The following FILIP1 variants were observed in gnomAD, a reference collection of about 807,000 sequenced individuals.
The protein encoded by FILIP1 is filamin A interacting protein 1.
A neutral mutation model predicts 102.1 loss-of-function variants in FILIP1; 61 were observed. The ratio of observed to expected loss-of-function variants is 0.60; its 90% CI spans 0.49 to 0.74. The LOEUF (loss-of-function observed/expected upper bound fraction) is 0.74. Ranked by LOEUF, FILIP1 falls within the 30% of genes least tolerant of loss-of-function variation. FILIP1 has a pLI of 0.00. For synonymous variants in FILIP1, 491 were observed against 526.9 expected (o/e 0.93, Z 0.93); for missense variants, 1,314 against 1,441.2 (o/e 0.91, Z 1.43).
At position 75,315,086 on chromosome 6, in the gene FILIP1, A is replaced by G. The variant is rs1235647929; in HGVS notation, c.746T>C (p.Met249Thr). 6.2e-7 allele frequency: 1 copy of G among 1,614,008 alleles called. No individual in the cohort carries two copies. Among genetic ancestry groups the G allele is most frequent in the East Asian group, 2.2e-5 (1 of 44,900 alleles). The change falls in exon 5 of 6, where the codon ATG becomes ACG. Residue 249 changes from methionine to threonine, a missense_variant. Met to Thr is a moderately conservative substitution (Grantham distance 81). Coordinates refer to ENST00000237172, the MANE Select transcript of FILIP1 (RefSeq NM_015687.5). ...ELVKLKSFAL[M>T]LVDERQMHIE... is the part of the protein sequence containing the mutation. ...GTGCATTTGTCTTTCATCCACCAGC[A>G]TGAGTGCAAAGGATTTGAGTTTAAC... is the stretch of plus-strand genomic sequence containing the variant.
At chr6:75,417,923 C>T (rs1376650484) in intron 1 of FILIP1, among the ~76,000 whole-genome samples, 2 of 152,146 alleles carry the variant, frequency 1.3e-5, no homozygotes, top group Non-Finnish European at 2.9e-5. Context: ...AGAGGCCAGG[C>T]GCGGTGGCTC....
rs115147074 is a variant in FILIP1, at chr6:75,423,508, C to T, written c.-6-8530G>A. Among the ~76,000 whole-genome samples, 1,457 of 152,262 alleles carry T rather than the reference C, an allele frequency of 9.6e-3. 25 individuals are homozygous for T. The highest frequency in any genetic ancestry group is 0.033 in the African/African-American group (1,391 of 41,550). On this transcript the variant is annotated intron_variant, in intron 1 of 5. Coordinates refer to ENST00000237172, the MANE Select transcript of FILIP1 (RefSeq NM_015687.5). ...GTCACGGTCACTGTTTGGTGGTTTG[C>T]TGCCTGGCTGAGCTACTACAGCTTT...
chr6:75,486,365 G>T (rs892244706), intron 1 of FILIP1, among the ~76,000 whole-genome samples: 1 of 152,126 alleles, frequency 6.6e-6, no homozygotes, highest in Non-Finnish European at 1.5e-5. Flanking sequence ...CTCATCCAGG[G>T]TGGCCCAACT....
rs1472673366 is a variant in FILIP1 at position 75,372,739 on chromosome 6, A to G, written c.277-9822T>C. Among the ~76,000 whole-genome samples, 6 of 54,008 alleles carry G rather than the reference A, an allele frequency of 1.1e-4. 1 individual carries two copies. The highest frequency in any genetic ancestry group is 5.4e-4 in the African/African-American group (6 of 11,072). 35.4% of individuals were successfully genotyped at this position (54,008 alleles called of 152,430 possible). A position where few individuals can be genotyped will look rare whatever the true frequency, so the allele number is the denominator to read the frequency against. On this transcript the variant is annotated intron_variant, in intron 2 of 5. Transcript: ENST00000237172. Reference sequence around the variant, plus strand: ...GAAAGAAAGAGAAAGAGAAAGAAAGAAAGAAAGAAAGAAAGAAAGAAAGAA... The same window carrying G: ...GAAAGAAAGAGAAAGAGAAAGAAAGGAAGAAAGAAAGAAAGAAAGAAAGAA...
At chr6:75,468,969 A>G (rs1467819132) in intron 1 of FILIP1, among the ~76,000 whole-genome samples, 1 of 152,058 alleles carries the variant, frequency 6.6e-6, no homozygotes, top group Non-Finnish European at 1.5e-5. Context: ...ATGAAAATGA[A>G]ACATGAAGGA....
intron 4 of FILIP1, among the ~76,000 whole-genome samples, chr6:75,342,573 C>A (rs1018969525): frequency 1.3e-5 from 2 of 152,236 alleles, no homozygotes; most frequent in African/African-American, 4.8e-5. Context: ...AAGTCAGGAT[C>A]TCCTGAGTTC....
chr6:75,293,421 G>GT (rs1322600959), exon 7 of FILIP1: 2 of 152,050 alleles, frequency 1.3e-5, no homozygotes, highest in Admixed American at 6.6e-5. Context: ...TTTTCTGGGG[G>GT]TTTTTTGGTT....
At chr6:75,456,070 C>T (rs568474982) in intron 1 of FILIP1, among the ~76,000 whole-genome samples, 1 of 152,142 alleles carries the variant, frequency 6.6e-6, no homozygotes, top group African/African-American at 2.4e-5. Context: ...CCTCCTAGGC[C>T]CTACTCAAGT....
exon 7 of FILIP1, chr6:75,292,862 A>C (rs1210595058): frequency 6.6e-6 from 1 of 152,134 alleles, no homozygotes; most frequent in Non-Finnish European, 1.5e-5. Flanking sequence ...TGCCTGATAC[A>C]CCACTTATTC....
chr6:75,359,883 A>G, intron 3 of FILIP1, among the ~76,000 whole-genome samples: 1 of 152,212 alleles, frequency 6.6e-6, no homozygotes, highest in East Asian at 1.9e-4. Flanking sequence ...AGGGCCTGAA[A>G]AAAGAAAAAG....
At chr6:75,413,775 C>A (rs1455974520) in intron 2 of FILIP1, among the ~76,000 whole-genome samples, 1 of 145,610 alleles carries the variant, frequency 6.9e-6, no homozygotes, top group African/African-American at 2.5e-5. Context: ...TTTAAGTCAT[C>A]TTCTCCAGGA....
intron 2 of FILIP1, among the ~76,000 whole-genome samples, chr6:75,383,210 G>A (rs980210378): frequency 2.0e-5 from 3 of 152,140 alleles, no homozygotes; most frequent in African/African-American, 7.2e-5. Flanking sequence ...TCTTCACTAG[G>A]TGAGTAACAA....
chr6:75,334,228 C>A (rs994977766), intron 4 of FILIP1, among the ~76,000 whole-genome samples: 1 of 152,096 alleles, frequency 6.6e-6, no homozygotes, highest in Non-Finnish European at 1.5e-5. Context: ...GGTAGTAAGA[C>A]AAGAGATTTT....
intron 2 of FILIP1, among the ~76,000 whole-genome samples, chr6:75,408,787 ATTTTC>A (rs1255458733): frequency 2.6e-5 from 4 of 152,028 alleles, no homozygotes; most frequent in African/African-American, 9.7e-5. Flanking sequence ...ACTATAAGCT[ATTTTC>A]TTTGTATGTC....
chr6:75,420,381 T>G (rs576990406), intron 1 of FILIP1, among the ~76,000 whole-genome samples: 23 of 152,174 alleles, frequency 1.5e-4, no homozygotes, highest in African/African-American at 5.5e-4. Flanking sequence ...TCTAAAAGAA[T>G]GTACAATTTG....
Position 75,314,729 on chromosome 6 carries a change from T to C in FILIP1, c.1103A>G (p.Lys368Arg), listed in dbSNP as rs141211664. ...ELQELRDKIA[K>R]GECGNSSLMA... ...GAGGCTAGAGTTTCCACATTCTCCT[T>C]TGGCAATTTTATCTCTTAATTCTTG... Residue 368 changes from lysine (K) to arginine (R), a missense_variant, in exon 5 of 6, where the codon AAA (lysine) becomes AGA (arginine). Lys to Arg is a conservative substitution (Grantham distance 26, BLOSUM62 2). Transcript: ENST00000237172. 208 of 1,614,090 alleles carry C rather than the reference T, an allele frequency of 1.3e-4. No homozygotes were observed. Among genetic ancestry groups the C allele is most frequent in the Non-Finnish European group, 1.7e-4 (200 of 1,180,044 alleles).
chr6:75,359,855 C>A (rs1440080709), intron 3 of FILIP1, among the ~76,000 whole-genome samples: 2 of 152,136 alleles, frequency 1.3e-5, no homozygotes, highest in Non-Finnish European at 2.9e-5. Flanking sequence ...AAGCGATGGG[C>A]TTCCTAGGCC....
intron 4 of FILIP1, among the ~76,000 whole-genome samples, chr6:75,335,408 A>G (rs1365150377): frequency 2.0e-5 from 3 of 152,184 alleles, no homozygotes; most frequent in Non-Finnish European, 2.9e-5. Flanking sequence ...GCATTTATAC[A>G]AAATGTTTTC....
intron 1 of FILIP1, among the ~76,000 whole-genome samples, chr6:75,456,129 A>G (rs940050805): frequency 1.3e-5 from 2 of 151,798 alleles, no homozygotes; most frequent in African/African-American, 2.4e-5. Flanking sequence ...GTGGTTCTCA[A>G]TCAGAGATTT....
Sources: allele counts gnomAD v4.1 joint callset (sites outside exome capture counted in the v4.1 genomes callset), GRCh38; gene constraint gnomAD v4.1.1; transcripts MANE v1.5; gene names NCBI Gene and HGNC (gene_info 2026-07-23, HGNC 2026-07-21).